Variants in POC1B observed in about 807,000 individuals in gnomAD.
POC1B encodes POC1 centriolar protein B.
Under a neutral mutation model 60.6 loss-of-function variants are expected in POC1B, and 44 were observed. The ratio of observed to expected loss-of-function variants is 0.73; its 90% CI spans 0.57 to 0.93. The LOEUF (loss-of-function observed/expected upper bound fraction) is 0.93, where lower values mean the gene tolerates loss of function less well. Ranked by LOEUF, POC1B falls within the 40% of genes least tolerant of loss-of-function variation. The pLI is 0.00. For synonymous variants in POC1B, 180 were observed against 198.9 expected (o/e 0.90, Z 0.80); for missense variants, 555 against 572.3 (o/e 0.97, Z 0.31).
intron 4 of POC1B, among the ~76,000 whole-genome samples, chr12:89,473,392 T>G (rs1407540332): frequency 6.6e-6 from 1 of 152,198 alleles, no homozygotes; most frequent in Admixed American, 6.5e-5. Flanking sequence ...TCAAGAAGTC[T>G]GGGTGCAGTG....
At chr12:89,509,474 T>C (rs1870067338) in intron 2 of POC1B, among the ~76,000 whole-genome samples, 1 of 152,206 alleles carries the variant, frequency 6.6e-6, no homozygotes, top group Admixed American at 6.5e-5. Context: ...TAATGGATAA[T>C]GGTATTTAGA....
chr12:89,424,684 C>T (rs769335888), intron 11 of POC1B, among the ~76,000 whole-genome samples: 3 of 152,120 alleles, frequency 2.0e-5, no homozygotes, highest in Non-Finnish European at 4.4e-5. Flanking sequence ...ATTTAAGATG[C>T]ATTGTATTTT....
intron 4 of POC1B, among the ~76,000 whole-genome samples, chr12:89,486,886 T>TTCTC (rs149180232): frequency 1.5e-4 from 22 of 147,540 alleles, no homozygotes; most frequent in Admixed American, 1.2e-3. Flanking sequence ...AACTCTCTCT[T>TTCTC]TCTCTCTCTC....
intron 4 of POC1B, among the ~76,000 whole-genome samples, chr12:89,480,200 C>T (rs1465876001): frequency 2.0e-5 from 3 of 151,618 alleles, no homozygotes; most frequent in African/African-American, 4.8e-5. Context: ...GCAGTGGCAC[C>T]GTCTCAACTT....
chr12:89,454,981 G>A (rs1882193727), intron 10 of POC1B, among the ~76,000 whole-genome samples: 1 of 149,776 alleles, frequency 6.7e-6, no homozygotes, highest in Admixed American at 6.6e-5. Flanking sequence ...AAACTAGACT[G>A]ATGCATTTTT....
At chr12:89,444,010 T>G (rs1393178530) in intron 10 of POC1B, among the ~76,000 whole-genome samples, 1 of 152,060 alleles carries the variant, frequency 6.6e-6, no homozygotes, top group Non-Finnish European at 1.5e-5. Context: ...CTAGAAGAAA[T>G]GGATAAATTC....
intron 2 of POC1B, 152 bp from the exon 3 acceptor site, chr12:89,497,494 T>C: frequency 1.4e-6 from 1 of 717,890 alleles, no homozygotes; most frequent in Non-Finnish European, 2.2e-6. Context: ...CAAATTACTT[T>C]TTAAAGGTAC....
At chr12:89,404,087 G>A in the POC1B span, among the ~76,000 whole-genome samples, 14 of 151,462 alleles carry the variant, frequency 9.2e-5, no homozygotes, top group South Asian at 2.1e-4. Context: ...AGCTGAGATC[G>A]CGCCATTGTA....
At chr12:89,476,035 T>C (rs930702668) in intron 4 of POC1B, among the ~76,000 whole-genome samples, 4 of 143,150 alleles carry the variant, frequency 2.8e-5, no homozygotes, top group East Asian at 2.3e-4. Flanking sequence ...GCCTCCCAAA[T>C]AACTGGGATT....
chr12:89,429,451 A>G (rs1662066631), intron 10 of POC1B: 2 of 152,342 alleles, frequency 1.3e-5, no homozygotes, highest in Admixed American at 1.3e-4. Context: ...GTACAAAGGG[A>G]AAAACATGGT....
intron 4 of POC1B, among the ~76,000 whole-genome samples, chr12:89,484,011 T>C (rs1179416067): frequency 2.0e-5 from 3 of 152,190 alleles, no homozygotes; most frequent in Admixed American, 6.5e-5. Context: ...AAGAAGTAAA[T>C]GGAGATATAG....
At chr12:89,504,012 G>A (rs1441422281) in intron 2 of POC1B, among the ~76,000 whole-genome samples, 2 of 138,968 alleles carry the variant, frequency 1.4e-5, no homozygotes, top group Admixed American at 1.4e-4. Flanking sequence ...CCCGGCCGCC[G>A]CCCCATCCAG....
chr12:89,497,349 A>T lies in POC1B; in HGVS notation c.101-7T>A, dbSNP rs1353574702. ...GTATCCCAAGAAGCAGTAGCTATCA[A>T]GAAATAGAAGAACAAAACCACTGTT... On this transcript the variant is annotated splice_region_variant and splice_polypyrimidine_tract_variant and intron_variant, in intron 2 of 11. Transcript: ENST00000313546. 1 of 1,608,328 alleles carries T rather than the reference A, an allele frequency of 6.2e-7. No individual in the cohort carries two copies. The highest frequency in any genetic ancestry group is 8.5e-7 in the Non-Finnish European group (1 of 1,177,160).
chr12:89,409,505 A>G, the POC1B span, among the ~76,000 whole-genome samples: 1 of 152,188 alleles, frequency 6.6e-6, no homozygotes, highest in African/African-American at 2.4e-5. Context: ...TACCAGTACC[A>G]TGCTGTTTTG....
intron 2 of POC1B, chr12:89,524,814 C>T: frequency 1.6e-6 from 1 of 614,146 alleles, no homozygotes; most frequent in Admixed American, 3.0e-5. Context: ...AACACCCCAC[C>T]CTCCCCGGGC....
chr12:89,439,039 G>T (rs765351635), intron 10 of POC1B, among the ~76,000 whole-genome samples: 5 of 152,166 alleles, frequency 3.3e-5, no homozygotes, highest in Non-Finnish European at 7.3e-5. Flanking sequence ...TCTTACCCCT[G>T]CTTACATATC....
chr12:89,416,541 T>C (rs917405709), downstream of POC1B, among the ~76,000 whole-genome samples: 1 of 152,264 alleles, frequency 6.6e-6, no homozygotes, highest in South Asian at 2.1e-4. Context: ...TAGAACACTA[T>C]GTGAAAGACT....
chr12:89,425,040 G>C, intron 11 of POC1B, 121 bp downstream of exon 11: 1 of 973,062 alleles, frequency 1.0e-6, no homozygotes, highest in Non-Finnish European at 1.5e-6. Flanking sequence ...GCCACCTTGA[G>C]TTTGCTTTGC....
chr12:89,429,866 A>G (rs543450024), intron 10 of POC1B, among the ~76,000 whole-genome samples: 8 of 152,358 alleles, frequency 5.3e-5, no homozygotes, highest in African/African-American at 1.7e-4. Context: ...TCTTACTTCT[A>G]TTGCTAACAT....
Sources: allele counts gnomAD v4.1 joint callset (sites outside exome capture counted in the v4.1 genomes callset), GRCh38; gene constraint gnomAD v4.1.1; transcripts MANE v1.5; gene names NCBI Gene and HGNC (gene_info 2026-07-23, HGNC 2026-07-21).